Variants in PIP5K1B observed in about 807,000 individuals in gnomAD.
PIP5K1B encodes the protein phosphatidylinositol 4-phosphate 5-kinase type-1 beta.
Under a neutral mutation model 67.0 loss-of-function variants are expected in PIP5K1B, and 42 were observed. That is an observed-to-expected ratio of 0.63 (90% CI 0.49 to 0.81). PIP5K1B has a LOEUF of 0.81. PIP5K1B is among the 30% of genes least tolerant of loss of function. PIP5K1B has a pLI of 0.00. For synonymous variants in PIP5K1B, 214 were observed against 231.4 expected, an observed-to-expected ratio of 0.92 and a Z score of 0.68; for missense variants, 459 against 646.3, an observed-to-expected ratio of 0.71 and a Z score of 3.14.
At chr9:68,796,049 G>A (rs1175315602) in intron 2 of PIP5K1B, among the ~76,000 whole-genome samples, 1 of 152,182 alleles carries the variant, frequency 6.6e-6, no homozygotes, top group Middle Eastern at 3.2e-3. Context: ...ACACTTCACT[G>A]AGATGCCATT....
chr9:69,003,048 AG>A (rs1461647235), intron 15 of PIP5K1B, among the ~76,000 whole-genome samples: 2 of 152,044 alleles, frequency 1.3e-5, no homozygotes, highest in African/African-American at 4.8e-5. Flanking sequence ...CCAGAGATGA[AG>A]GGGACCCCGG....
chr9:68,839,814 G>T (rs1285672358), intron 4 of PIP5K1B, among the ~76,000 whole-genome samples: 1 of 152,132 alleles, frequency 6.6e-6, no homozygotes, highest in East Asian at 1.9e-4. Flanking sequence ...TTCCTGTTAG[G>T]TCCAGCCATG....
chr9:68,844,891 A>C (rs1370346601), intron 4 of PIP5K1B, among the ~76,000 whole-genome samples: 1 of 152,192 alleles, frequency 6.6e-6, no homozygotes, highest in Non-Finnish European at 1.5e-5. Context: ...AATCCAAAGA[A>C]GGCAAAATAC....
chr9:68,949,655 G>T (rs1354721155), intron 14 of PIP5K1B, among the ~76,000 whole-genome samples: 2 of 152,204 alleles, frequency 1.3e-5, no homozygotes, highest in African/African-American at 4.8e-5. Flanking sequence ...TGCCTTAAAG[G>T]TGTTAAAAGA....
intron 2 of PIP5K1B, among the ~76,000 whole-genome samples, chr9:68,793,487 G>A (rs1832114628): frequency 6.6e-6 from 1 of 152,128 alleles, no homozygotes; most frequent in Admixed American, 6.6e-5. Context: ...TAAATTATAG[G>A]TATATTTTGA....
intron 2 of PIP5K1B, chr9:68,780,920 ATCT>A (rs772064380): frequency 4.0e-5 from 64 of 1,614,046 alleles, no homozygotes; most frequent in African/African-American, 1.3e-4. Flanking sequence ...GCAGTGCCGG[ATCT>A]TCTTGTAACT....
chr9:68,826,575 C>T (rs1200538351), intron 4 of PIP5K1B, among the ~76,000 whole-genome samples: 1 of 152,066 alleles, frequency 6.6e-6, no homozygotes, highest in East Asian at 1.9e-4. Flanking sequence ...CTCTGACCTC[C>T]CTGTTGGTGT....
chr9:68,787,667 C>T (rs1349458696), intron 2 of PIP5K1B, among the ~76,000 whole-genome samples: 2 of 152,044 alleles, frequency 1.3e-5, no homozygotes, highest in African/African-American at 2.4e-5. Flanking sequence ...GAGTCTCGCT[C>T]TGTCACGCAG....
At chr9:68,745,348 C>T (rs997199914) in intron 2 of PIP5K1B, among the ~76,000 whole-genome samples, 5 of 152,192 alleles carry the variant, frequency 3.3e-5, no homozygotes, top group African/African-American at 9.6e-5. Context: ...TACTTGTAGC[C>T]ACACCGTAGG....
intron 2 of PIP5K1B, among the ~76,000 whole-genome samples, chr9:68,755,448 T>C (rs12115270): frequency 0.022 from 3,333 of 152,330 alleles, 109 homozygotes; most frequent in African/African-American, 0.075. Context: ...TTCATAGATA[T>C]AGACCCTTTT....
At chr9:68,926,648 T>A (rs1041777853) in intron 12 of PIP5K1B, among the ~76,000 whole-genome samples, 2 of 152,188 alleles carry the variant, frequency 1.3e-5, no homozygotes, top group Non-Finnish European at 2.9e-5. Flanking sequence ...CTTGGCTTAC[T>A]GCAACCTCTG....
chr9:68,988,585 G>A (rs1417724340), intron 14 of PIP5K1B, among the ~76,000 whole-genome samples: 1 of 151,582 alleles, frequency 6.6e-6, no homozygotes, highest in African/African-American at 2.4e-5. Context: ...GAGTAGCTGG[G>A]ATTACAGGCA....
chr9:68,856,202 T>C (rs1822771877), intron 4 of PIP5K1B, among the ~76,000 whole-genome samples: 1 of 152,222 alleles, frequency 6.6e-6, no homozygotes, highest in Non-Finnish European at 1.5e-5. Flanking sequence ...GCACTTTCCC[T>C]GTTACCCGAC....
chr9:69,002,223 G>A (rs1239192419), intron 15 of PIP5K1B, among the ~76,000 whole-genome samples: 2 of 152,208 alleles, frequency 1.3e-5, no homozygotes, highest in African/African-American at 2.4e-5. Flanking sequence ...CAAGGATGGC[G>A]AAAGTCCTGC....
At chr9:68,931,165 A>G (rs1826974837) in intron 12 of PIP5K1B, among the ~76,000 whole-genome samples, 1 of 152,208 alleles carries the variant, frequency 6.6e-6, no homozygotes, top group Non-Finnish European at 1.5e-5. Context: ...AAAATCCTAT[A>G]ATATTTCCTG....
intron 2 of PIP5K1B, among the ~76,000 whole-genome samples, chr9:68,809,396 A>G (rs1833038747): frequency 6.6e-6 from 1 of 152,108 alleles, no homozygotes; most frequent in Non-Finnish European, 1.5e-5. Context: ...TCCCAGCAAA[A>G]CTGTTTACCA....
chr9:68,906,305 C>T lies in PIP5K1B; in HGVS notation c.772-11243C>T, dbSNP rs573079785. 1.5e-3 allele frequency among the ~76,000 whole-genome samples: 233 copies of T among 152,306 alleles called. 2 individuals are homozygous for T. The highest frequency in any genetic ancestry group is 5.2e-3 in the African/African-American group (218 of 41,548). ...AAGTGCTGGGATTACAGGTGTGAGC[C>T]GCTGTACTCGGCCAAATTTAGTGTT... On this transcript the variant is annotated intron_variant, in intron 8 of 15. Transcript: ENST00000265382.
chr9:68,927,872 T>C (rs1219114684), intron 12 of PIP5K1B, among the ~76,000 whole-genome samples: 1 of 152,230 alleles, frequency 6.6e-6, no homozygotes, highest in Non-Finnish European at 1.5e-5. Flanking sequence ...TGAAGAGTTT[T>C]ATAGTCTTAG....
At chr9:68,973,086 C>G (rs1330349310) in intron 14 of PIP5K1B, among the ~76,000 whole-genome samples, 2 of 152,100 alleles carry the variant, frequency 1.3e-5, no homozygotes, top group African/African-American at 4.8e-5. Flanking sequence ...AGTGACTGCC[C>G]AAGCAAGCCC....
Sources: allele counts gnomAD v4.1 joint callset (sites outside exome capture counted in the v4.1 genomes callset), GRCh38; gene constraint gnomAD v4.1.1; transcripts MANE v1.5; gene names NCBI Gene and HGNC (gene_info 2026-07-23, HGNC 2026-07-21).